The following LRP1B variants were observed in gnomAD, a reference collection of about 807,000 sequenced individuals.
LRP1B encodes low-density lipoprotein receptor-related protein 1B.
A neutral mutation model predicts 556.6 loss-of-function variants in LRP1B; 217 were observed. That is an observed-to-expected ratio of 0.39 (90% CI 0.35 to 0.44). The LOEUF is 0.44. LRP1B is among the 20% of genes least tolerant of loss of function. The pLI is 1.00. For missense variants in LRP1B, 5,053 were observed against 5,620.8 expected, an observed-to-expected ratio of 0.90 and a Z score of 3.23; for synonymous variants, 2,047 against 1,865.8, an observed-to-expected ratio of 1.10 and a Z score of -2.50.
intron 32 of LRP1B, among the ~76,000 whole-genome samples, chr2:140,795,769 C>G (rs550439201): frequency 2.0e-5 from 3 of 152,062 alleles, no homozygotes; most frequent in African/African-American, 7.2e-5. Flanking sequence ...CAGTTTAAGA[C>G]AATTAAACTC....
At chr2:140,255,861 A>G (rs909771507) in intron 86 of LRP1B, among the ~76,000 whole-genome samples, 4 of 152,324 alleles carry the variant, frequency 2.6e-5, no homozygotes, top group Admixed American at 1.3e-4. Flanking sequence ...AACTTTTTAC[A>G]TATAAGACCA....
At chr2:140,310,269 G>A (rs1368488907) in intron 83 of LRP1B, among the ~76,000 whole-genome samples, 1 of 151,408 alleles carries the variant, frequency 6.6e-6, no homozygotes, top group Non-Finnish European at 1.5e-5. Flanking sequence ...TCTATTTTGT[G>A]TTTTCAATTT....
At chr2:141,070,705 C>A (rs2105482158) in intron 7 of LRP1B, among the ~76,000 whole-genome samples, 1 of 152,086 alleles carries the variant, frequency 6.6e-6, no homozygotes, top group African/African-American at 2.4e-5. Context: ...TACAAACTAC[C>A]ATCAGAGAAT....
intron 3 of LRP1B, among the ~76,000 whole-genome samples, chr2:141,459,304 T>C (rs1681764541): frequency 6.6e-6 from 1 of 152,252 alleles, no homozygotes; most frequent in Non-Finnish European, 1.5e-5. Context: ...AGAAATATCT[T>C]GACCCATCTC....
chr2:140,683,482 A>G (rs1252878042), intron 41 of LRP1B: 2 of 568,552 alleles, frequency 3.5e-6, no homozygotes, highest in Non-Finnish European at 6.8e-6. Flanking sequence ...CAGCTGACCC[A>G]AGGTTTGAGA....
At chr2:140,934,293 A>G (rs1695139232) in intron 20 of LRP1B, among the ~76,000 whole-genome samples, 1 of 152,158 alleles carries the variant, frequency 6.6e-6, no homozygotes. Context: ...TTTACTCTCA[A>G]TAAAATTTAG....
At chr2:141,737,905 G>A (rs1283277237) in intron 2 of LRP1B, among the ~76,000 whole-genome samples, 2 of 152,056 alleles carry the variant, frequency 1.3e-5, no homozygotes, top group African/African-American at 4.8e-5. Flanking sequence ...ACTGTTTTGA[G>A]TCATCATGAT....
chr2:141,528,883 A>G (rs1017766183), intron 2 of LRP1B, among the ~76,000 whole-genome samples: 1 of 152,212 alleles, frequency 6.6e-6, no homozygotes, highest in Non-Finnish European at 1.5e-5. Context: ...ATTCACAACC[A>G]CATATAAAGA....
chr2:141,655,535 C>T (rs1274334674), intron 2 of LRP1B, among the ~76,000 whole-genome samples: 1 of 152,060 alleles, frequency 6.6e-6, no homozygotes, highest in East Asian at 1.9e-4. Flanking sequence ...AATAAAGATA[C>T]ATGAGAATAT....
chr2:141,984,361 G>A (rs181029354), intron 1 of LRP1B, among the ~76,000 whole-genome samples: 1 of 104,812 alleles, frequency 9.5e-6, no homozygotes, highest in Admixed American at 1.1e-4. Flanking sequence ...GAGAGTACCA[G>A]GAAAATTGAT....
chr2:141,867,288 A>T (rs911114705), intron 1 of LRP1B, among the ~76,000 whole-genome samples: 7 of 152,080 alleles, frequency 4.6e-5, no homozygotes, highest in African/African-American at 9.7e-5. Flanking sequence ...TGATGGGTCT[A>T]TCTAGGGTGC....
chr2:141,620,502 T>G (rs1688463566), intron 2 of LRP1B, among the ~76,000 whole-genome samples: 1 of 152,206 alleles, frequency 6.6e-6, no homozygotes. Flanking sequence ...CAGGTTTTAT[T>G]CTCTCTCTAG....
chr2:142,111,997 A>G (rs184567912), intron 1 of LRP1B, among the ~76,000 whole-genome samples: 17 of 152,230 alleles, frequency 1.1e-4, no homozygotes, highest in African/African-American at 3.8e-4. Flanking sequence ...ACAATGATAC[A>G]CCATATTGCC....
intron 2 of LRP1B, among the ~76,000 whole-genome samples, chr2:141,492,047 C>A (rs1683352304): frequency 9.7e-6 from 1 of 102,796 alleles, no homozygotes. Flanking sequence ...AAATCATTAT[C>A]AAAGTCCTTG....
chr2:140,869,785 G>C (rs113289982), intron 25 of LRP1B, among the ~76,000 whole-genome samples: 4,974 of 152,076 alleles, frequency 0.033, 115 homozygotes, highest in Middle Eastern at 0.068. Context: ...TGTGTATAGG[G>C]GTTCCACTAA....
chr2:142,031,708 G>A (rs1176994323), intron 1 of LRP1B, among the ~76,000 whole-genome samples: 10 of 150,560 alleles, frequency 6.6e-5, no homozygotes, highest in South Asian at 4.2e-4. Context: ...AACTCTCTAC[G>A]TCCATTGTTC....
chr2:140,509,213 A>C (rs1689551631), intron 52 of LRP1B, among the ~76,000 whole-genome samples: 1 of 152,092 alleles, frequency 6.6e-6, no homozygotes, highest in African/African-American at 2.4e-5. Flanking sequence ...AGTTCGCAGC[A>C]TTATTTCTGA....
intron 1 of LRP1B, among the ~76,000 whole-genome samples, chr2:142,050,260 T>C (rs1013000420): frequency 2.0e-5 from 3 of 152,192 alleles, no homozygotes. Context: ...GTAATAAATG[T>C]GGCACTTCTC....
intron 7 of LRP1B, among the ~76,000 whole-genome samples, chr2:141,171,521 A>G (rs1680497295): frequency 6.6e-6 from 1 of 151,994 alleles, no homozygotes; most frequent in Non-Finnish European, 1.5e-5. Flanking sequence ...ATGTTAAGTT[A>G]TAAAATTCTC....
Sources: gnomAD v4.1 joint callset for allele counts (sites outside exome capture counted in the v4.1 genomes callset) on GRCh38, gnomAD v4.1.1 for gene constraint, MANE v1.5 for transcripts, NCBI Gene and HGNC (gene_info 2026-07-23, HGNC 2026-07-21) for gene names.